The following C12orf54 variants were observed in gnomAD, a reference collection of about 807,000 sequenced individuals.
C12orf54 encodes the protein uncharacterized protein C12orf54.
Under a neutral mutation model 26.4 loss-of-function variants are expected in C12orf54, and 24 were observed. The observed-to-expected ratio is 0.91, with a 90% CI of 0.66 to 1.28. The LOEUF is 1.28. C12orf54 is among the 50% of genes most tolerant of loss of function. C12orf54 has a pLI of 0.00. For synonymous variants in C12orf54, 54 were observed against 47.0 expected (o/e 1.15, Z -0.61); for missense variants, 154 against 150.9 (o/e 1.02, Z -0.11).
the C12orf54 span, among the ~76,000 whole-genome samples, chr12:48,461,737 A>G: frequency 2.6e-5 from 4 of 151,956 alleles, no homozygotes; most frequent in Non-Finnish European, 4.4e-5. Flanking sequence ...AAGTCCCACA[A>G]ATTTCCCATC....
the C12orf54 span, among the ~76,000 whole-genome samples, chr12:48,417,815 A>T: frequency 1.3e-5 from 2 of 152,230 alleles, no homozygotes; most frequent in East Asian, 3.9e-4. Flanking sequence ...GCTGCCTCTT[A>T]TAAGTGAGAA....
intron 6 of C12orf54, among the ~76,000 whole-genome samples, chr12:48,491,997 T>C (rs958433051): frequency 6.6e-6 from 1 of 152,114 alleles, no homozygotes; most frequent in East Asian, 1.9e-4. Flanking sequence ...TATATATGAC[T>C]GAGCCCAAAG....
the C12orf54 span, among the ~76,000 whole-genome samples, chr12:48,453,936 T>A: frequency 6.6e-6 from 1 of 152,132 alleles, no homozygotes; most frequent in Non-Finnish European, 1.5e-5. Flanking sequence ...GTGCCTTCTT[T>A]TGATTTAGAT....
At chr12:48,455,734 C>A in the C12orf54 span, among the ~76,000 whole-genome samples, 3 of 152,286 alleles carry the variant, frequency 2.0e-5, no homozygotes, top group African/African-American at 7.2e-5. Context: ...GGCAGAGATA[C>A]CCCCTGCACT....
rs778055073 is a variant in C12orf54, at chr12:48,488,961, G to A, written c.168+5G>A. On this transcript the variant is annotated splice_donor_5th_base_variant and intron_variant, in intron 5 of 8. Coordinates refer to ENST00000548364, the MANE Select transcript of C12orf54 (RefSeq NM_152319.4). ...TTTAAGGATATACAAAAGGAGGTGA[G>A]ATTAGATTTTGATTCTCTGAATTCC... is the stretch of plus-strand genomic sequence containing the variant. 5 of 1,611,546 alleles carry A rather than the reference G, an allele frequency of 3.1e-6. No homozygotes were observed. In the South Asian group the frequency reaches 3.3e-5, roughly 11 times the overall value.
the C12orf54 span, among the ~76,000 whole-genome samples, chr12:48,439,534 G>A: frequency 6.6e-6 from 1 of 152,212 alleles, no homozygotes; most frequent in African/African-American, 2.4e-5. Flanking sequence ...TTAAGAAAAT[G>A]TGGCACATAT....
chr12:48,483,461 C>G, intron 2 of C12orf54, 100 bp downstream of exon 2: 1 of 1,080,328 alleles, frequency 9.3e-7, no homozygotes, highest in South Asian at 1.5e-5. Flanking sequence ...CATTTGGCTT[C>G]ACTTGCTTCC....
the C12orf54 span, among the ~76,000 whole-genome samples, chr12:48,459,907 A>G: frequency 3.3e-5 from 5 of 152,274 alleles, no homozygotes; most frequent in African/African-American, 1.2e-4. Context: ...TTTTAACTGG[A>G]GGTCAGTCCC....
At chr12:48,474,253 C>G in the C12orf54 span, among the ~76,000 whole-genome samples, 1 of 152,166 alleles carries the variant, frequency 6.6e-6, no homozygotes, top group African/African-American at 2.4e-5. Context: ...TTTTATGGAG[C>G]CAGGTGGAGG....
chr12:48,434,586 G>T, the C12orf54 span, among the ~76,000 whole-genome samples: 1 of 152,222 alleles, frequency 6.6e-6, no homozygotes, highest in Non-Finnish European at 1.5e-5. Flanking sequence ...TGATCAGGCA[G>T]CAGCATTTGC....
chr12:48,477,887 A>C (rs1381225498), upstream of C12orf54, among the ~76,000 whole-genome samples: 1 of 152,224 alleles, frequency 6.6e-6, no homozygotes, highest in Non-Finnish European at 1.5e-5. Context: ...ATCCTCCCTA[A>C]CTCATTTTAT....
the C12orf54 span, chr12:48,472,920 A>G: frequency 6.2e-7 from 1 of 1,614,214 alleles, no homozygotes; most frequent in Non-Finnish European, 8.5e-7. Context: ...ATTGGCAGAA[A>G]AGTGTCCAAA....
At chr12:48,423,530 T>C in the C12orf54 span, among the ~76,000 whole-genome samples, 1 of 151,996 alleles carries the variant, frequency 6.6e-6, no homozygotes, top group Non-Finnish European at 1.5e-5. Context: ...AAATAAAAAT[T>C]ATCATAAAAT....
At chr12:48,469,105 G>A in the C12orf54 span, among the ~76,000 whole-genome samples, 1 of 152,204 alleles carries the variant, frequency 6.6e-6, no homozygotes, top group East Asian at 1.9e-4. Context: ...GAGGTTTCAT[G>A]TCCTGCTGAG....
the C12orf54 span, among the ~76,000 whole-genome samples, chr12:48,422,256 T>C: frequency 9.9e-5 from 15 of 152,216 alleles, no homozygotes; most frequent in Admixed American, 2.0e-4. Context: ...GAGCTGCTAT[T>C]GCTACTGCTG....
the C12orf54 span, among the ~76,000 whole-genome samples, chr12:48,466,253 A>G: frequency 6.6e-6 from 1 of 152,204 alleles, no homozygotes; most frequent in Non-Finnish European, 1.5e-5. Flanking sequence ...TCAAAGATAT[A>G]TGGCTTGGGA....
the C12orf54 span, among the ~76,000 whole-genome samples, chr12:48,448,277 A>G: frequency 6.7e-4 from 102 of 152,216 alleles, no homozygotes; most frequent in Non-Finnish European, 1.1e-3. Context: ...GTTACACAGC[A>G]GTAGAAAATG....
intron 7 of C12orf54, among the ~76,000 whole-genome samples, chr12:48,494,423 T>C (rs889134473): frequency 1.3e-5 from 2 of 152,164 alleles, no homozygotes; most frequent in South Asian, 2.1e-4. Flanking sequence ...AAATGAAAAG[T>C]GATTTCATAT....
chr12:48,476,409 T>C, the C12orf54 span, among the ~76,000 whole-genome samples: 1 of 152,152 alleles, frequency 6.6e-6, no homozygotes, highest in Non-Finnish European at 1.5e-5. Context: ...TAACTTTAAA[T>C]GTAAATGGGC....
Sources: gnomAD v4.1 joint callset for allele counts (sites outside exome capture counted in the v4.1 genomes callset) on GRCh38, gnomAD v4.1.1 for gene constraint, MANE v1.5 for transcripts, NCBI Gene and HGNC (gene_info 2026-07-23, HGNC 2026-07-21) for gene names.